SPIDR: variants seen among roughly 807,000 people sequenced by gnomAD.
The protein encoded by SPIDR is DNA repair-scaffolding protein.
Under a neutral mutation model 104.6 loss-of-function variants are expected in SPIDR, and 93 were observed. That is an observed-to-expected ratio of 0.89 (90% confidence interval 0.75 to 1.06). SPIDR has a LOEUF of 1.06. SPIDR is among the 50% of genes least tolerant of loss of function. The pLI is 0.00. For missense variants in SPIDR, 1,154 were observed against 1,111.2 expected (o/e 1.04, Z -0.55); for synonymous variants, 431 against 416.9 (o/e 1.03, Z -0.41).
Position 47,711,832 on chromosome 8 carries a change from A to G in SPIDR, c.1978-830A>G, listed in dbSNP as rs546187050. Among the ~76,000 whole-genome samples, 6 of 152,270 alleles carry G rather than the reference A, an allele frequency of 3.9e-5. No homozygotes were observed. The East Asian group carries it at 1.2e-3, about 29-fold the overall frequency. ...ATTTTCCTCAATATTACTTATTCAT[A>G]CTTCCTGTATATAATCAACCTCCTG... is the stretch of plus-strand genomic sequence containing the variant. On this transcript the variant is annotated intron_variant, in intron 14 of 19. Coordinates refer to ENST00000297423, the MANE Select transcript of SPIDR (RefSeq NM_001080394.4).
intron 10 of SPIDR, 85 bp downstream of exon 10, chr8:47,599,281 A>G (rs1250096580): frequency 6.5e-7 from 1 of 1,538,062 alleles, no homozygotes; most frequent in Non-Finnish European, 8.8e-7. Context: ...TTCTCAGAGC[A>G]CGTTCTTAGC....
chr8:47,390,040 A>G (rs781797672), intron 5 of SPIDR, among the ~76,000 whole-genome samples: 1 of 152,200 alleles, frequency 6.6e-6, no homozygotes, highest in Non-Finnish European at 1.5e-5. Flanking sequence ...AACCCTGTGA[A>G]TGATCTGGGA....
chr8:47,444,940 G>T (rs1006080901), intron 8 of SPIDR, among the ~76,000 whole-genome samples: 1 of 152,140 alleles, frequency 6.6e-6, no homozygotes, highest in Admixed American at 6.5e-5. Flanking sequence ...ATGTAGTTTG[G>T]TATGTACTTC....
In SPIDR at chr8:47,296,410, A is replaced by G. The variant is rs1008227653; in HGVS notation, c.525+2380A>G. On this transcript the variant is annotated intron_variant, in intron 5 of 19. Transcript: ENST00000297423. ...TTTACAGTTTCAGGTTTTATGTTTAAGTCATTAGTCCATTTTTAGTTGATT... is the reference window on the plus strand; with the variant it reads ...TTTACAGTTTCAGGTTTTATGTTTAGGTCATTAGTCCATTTTTAGTTGATT... Among the ~76,000 whole-genome samples the G allele has an allele frequency of 1.2e-4, 19 of 152,244 alleles. 1 individual carries two copies. Among genetic ancestry groups the G allele is most frequent in the Non-Finnish European group, 2.1e-4 (14 of 68,012 alleles).
intron 5 of SPIDR, among the ~76,000 whole-genome samples, chr8:47,358,800 A>G (rs2055098504): frequency 6.6e-6 from 1 of 152,148 alleles, no homozygotes; most frequent in African/African-American, 2.4e-5. Flanking sequence ...AGTCCTGCCC[A>G]TTGGTATTTA....
intron 8 of SPIDR, among the ~76,000 whole-genome samples, chr8:47,474,883 CT>C (rs1554722891): frequency 6.6e-6 from 1 of 152,216 alleles, no homozygotes; most frequent in African/African-American, 2.4e-5. Context: ...GCAGTTACAT[CT>C]GTGGCTAAGC....
At chr8:47,420,559 T>C (rs1372162999) in intron 7 of SPIDR, among the ~76,000 whole-genome samples, 1 of 152,246 alleles carries the variant, frequency 6.6e-6, no homozygotes, top group African/African-American at 2.4e-5. Flanking sequence ...GGGTCTTGAC[T>C]CTTTATCCAA....
chr8:47,579,835 C>T (rs1203216981), intron 8 of SPIDR, among the ~76,000 whole-genome samples: 1 of 152,186 alleles, frequency 6.6e-6, no homozygotes, highest in Non-Finnish European at 1.5e-5. Flanking sequence ...TTGGTTCCTC[C>T]AGGGTTGATT....
chr8:47,458,062 C>A (rs1219965542), intron 8 of SPIDR, among the ~76,000 whole-genome samples: 1 of 152,014 alleles, frequency 6.6e-6, no homozygotes, highest in Non-Finnish European at 1.5e-5. Flanking sequence ...CTTAGTCTTG[C>A]TTTGGCTATG....
chr8:47,583,844 G>A (rs2059993398), intron 8 of SPIDR, among the ~76,000 whole-genome samples: 1 of 152,158 alleles, frequency 6.6e-6, no homozygotes. Context: ...TGCCTCTCCT[G>A]GGAAGCCTCC....
chr8:47,318,041 C>T (rs2045757038), intron 5 of SPIDR, among the ~76,000 whole-genome samples: 1 of 152,162 alleles, frequency 6.6e-6, no homozygotes, highest in Non-Finnish European at 1.5e-5. Flanking sequence ...GAGTGCCTCT[C>T]CTCCTCCAAA....
intron 5 of SPIDR, among the ~76,000 whole-genome samples, chr8:47,320,238 A>G (rs1554593853): frequency 6.6e-6 from 1 of 152,228 alleles, no homozygotes; most frequent in Non-Finnish European, 1.5e-5. Context: ...AGAATCAAAT[A>G]GATGCAATAA....
At chr8:47,366,481 G>A (rs577525685) in intron 5 of SPIDR, among the ~76,000 whole-genome samples, 1 of 152,334 alleles carries the variant, frequency 6.6e-6, no homozygotes, top group African/African-American at 2.4e-5. Context: ...GGAGGTCAGT[G>A]CAGGAGACCA....
Position 47,700,550 on chromosome 8 carries a change from C to T in SPIDR, c.1773+60C>T, listed in dbSNP as rs561041854. ...AGACTACTCCATGCCAGGTGCCAAG[C>T]CAGGCGTCATCACTGTCACTCACAT... On this transcript the variant is annotated intron_variant, in intron 12 of 19. Coordinates refer to ENST00000297423, the MANE Select transcript of SPIDR (RefSeq NM_001080394.4). 2.6e-5 allele frequency: 40 copies of T among 1,546,102 alleles called. No individual in the cohort carries two copies. In the South Asian group the frequency reaches 4.4e-4, roughly 17 times the overall value.
intron 10 of SPIDR, among the ~76,000 whole-genome samples, chr8:47,615,677 T>G (rs1010327351): frequency 1.3e-5 from 2 of 151,952 alleles, no homozygotes; most frequent in Non-Finnish European, 2.9e-5. Context: ...CCCGGCTAAT[T>G]CTTGTATTTT....
intron 8 of SPIDR, among the ~76,000 whole-genome samples, chr8:47,452,418 A>G (rs1204971910): frequency 2.0e-5 from 3 of 152,150 alleles, no homozygotes; most frequent in African/African-American, 7.2e-5. Context: ...AAAAAAGACA[A>G]TTTTAGACCA....
intron 5 of SPIDR, among the ~76,000 whole-genome samples, chr8:47,324,201 G>A (rs1324920508): frequency 7.2e-5 from 11 of 152,038 alleles, no homozygotes; most frequent in Admixed American, 6.6e-4. Context: ...TATGTATTGA[G>A]TATCTTGTCT....
chr8:47,297,929 T>C (rs1165140023), intron 5 of SPIDR, among the ~76,000 whole-genome samples: 6 of 152,220 alleles, frequency 3.9e-5, no homozygotes, highest in African/African-American at 1.4e-4. Context: ...CGTGGGCATG[T>C]GTCTTCATAG....
chr8:47,702,970 G>A (rs2080531436), intron 14 of SPIDR, among the ~76,000 whole-genome samples: 1 of 152,232 alleles, frequency 6.6e-6, no homozygotes, highest in Non-Finnish European at 1.5e-5. Flanking sequence ...CCTCGGCCAG[G>A]TGCCCCAGTG....
Sources: gnomAD v4.1 joint callset for allele counts (sites outside exome capture counted in the v4.1 genomes callset) on GRCh38, gnomAD v4.1.1 for gene constraint, MANE v1.5 for transcripts, NCBI Gene and HGNC (gene_info 2026-07-23, HGNC 2026-07-21) for gene names.